KAZN: variants seen among roughly 807,000 people sequenced by gnomAD.
The protein encoded by KAZN is kazrin.
Under a neutral mutation model 87.4 loss-of-function variants are expected in KAZN, and 40 were observed. That is an observed-to-expected ratio of 0.46 (90% CI 0.36 to 0.60). The LOEUF (loss-of-function observed/expected upper bound fraction) is 0.60, where lower values mean the gene tolerates loss of function less well. KAZN is among the 20% of genes least tolerant of loss of function. The pLI is 0.00. For synonymous variants in KAZN, 466 were observed against 458.3 expected, an observed-to-expected ratio of 1.02 and a Z score of -0.22; for missense variants, 898 against 1,073.9, an observed-to-expected ratio of 0.84 and a Z score of 2.29.
chr1:14,446,768 A>G (rs775953367), intron 2 of KAZN, among the ~76,000 whole-genome samples: 3 of 152,038 alleles, frequency 2.0e-5, no homozygotes, highest in Non-Finnish European at 2.9e-5. Flanking sequence ...CACCATCACA[A>G]TTGCTGGTGC....
chr1:15,063,464 TGA>T, intron 6 of KAZN, 106 bp from the exon 7 acceptor site: 1 of 942,772 alleles, frequency 1.1e-6, no homozygotes. Context: ...GGGTGGCCCC[TGA>T]GAGATGGCAT....
intron 2 of KAZN, among the ~76,000 whole-genome samples, chr1:14,475,492 T>C (rs771254603): frequency 1.3e-5 from 2 of 152,254 alleles, no homozygotes; most frequent in Non-Finnish European, 2.9e-5. Flanking sequence ...TCAAGTTGTC[T>C]TTTCGTCAGT....
chr1:13,913,187 T>C (rs1639716414), intron 1 of KAZN, among the ~76,000 whole-genome samples: 1 of 152,154 alleles, frequency 6.6e-6, no homozygotes, highest in Admixed American at 6.5e-5. Flanking sequence ...GACAGAAGCC[T>C]AGCCCTTGCC....
chr1:15,052,812 C>T (rs752170190), intron 4 of KAZN, among the ~76,000 whole-genome samples: 2 of 152,116 alleles, frequency 1.3e-5, no homozygotes, highest in East Asian at 1.9e-4. Context: ...AAGGACCAAC[C>T]GTAGGGGACC....
intron 2 of KAZN, among the ~76,000 whole-genome samples, chr1:15,020,848 G>A (rs12028628): frequency 2.0e-5 from 3 of 152,056 alleles, no homozygotes; most frequent in Non-Finnish European, 4.4e-5. Context: ...CTTGCCCCAG[G>A]TCCCCCCACA....
intron 1 of KAZN, among the ~76,000 whole-genome samples, chr1:14,030,969 G>A (rs1557793689): frequency 6.6e-6 from 1 of 152,176 alleles, no homozygotes. Context: ...TTAAGGTCAT[G>A]AATTTCTTTA....
intron 2 of KAZN, among the ~76,000 whole-genome samples, chr1:15,020,158 C>T (rs1670523411): frequency 6.6e-6 from 1 of 152,146 alleles, no homozygotes; most frequent in Admixed American, 6.5e-5. Flanking sequence ...TCATGGGGAC[C>T]CACAGCCCTC....
At chr1:15,023,909 G>T (rs553323345) in intron 2 of KAZN, among the ~76,000 whole-genome samples, 1 of 150,778 alleles carries the variant, frequency 6.6e-6, no homozygotes, top group Non-Finnish European at 1.5e-5. Flanking sequence ...GAAAAGTTTG[G>T]GGGGGTGGTC....
chr1:14,630,685 A>G (rs1679498589), intron 1 of KAZN, among the ~76,000 whole-genome samples: 1 of 152,116 alleles, frequency 6.6e-6, no homozygotes, highest in Non-Finnish European at 1.5e-5. Context: ...TATTCTCTCT[A>G]ATGATTCCCC....
intron 1 of KAZN, among the ~76,000 whole-genome samples, chr1:14,750,335 C>T (rs1407336697): frequency 5.3e-5 from 8 of 152,186 alleles, no homozygotes; most frequent in Non-Finnish European, 8.8e-5. Flanking sequence ...GCAGCCACGG[C>T]TCCTGAATTT....
chr1:14,263,509 CA>C (rs2100658230), intron 2 of KAZN, among the ~76,000 whole-genome samples: 1 of 152,258 alleles, frequency 6.6e-6, no homozygotes, highest in Non-Finnish European at 1.5e-5. Flanking sequence ...ATGACTCTGG[CA>C]ACCCTGAGCT....
chr1:14,149,096 T>C (rs2359950), intron 1 of KAZN, among the ~76,000 whole-genome samples: 25,595 of 92,210 alleles, frequency 0.28, 4,152 homozygotes, highest in Non-Finnish European at 0.32. Flanking sequence ...CCTTCCTTTC[T>C]TTCTTTCCTT....
At chr1:14,965,825 G>A (rs1451417698) in intron 2 of KAZN, among the ~76,000 whole-genome samples, 1 of 152,026 alleles carries the variant, frequency 6.6e-6, no homozygotes, top group African/African-American at 2.4e-5. Flanking sequence ...ACCCCAAAGG[G>A]CTTTTGCTCA....
chr1:14,560,433 G>A (rs1358910111), intron 2 of KAZN, among the ~76,000 whole-genome samples: 1 of 152,108 alleles, frequency 6.6e-6, no homozygotes, highest in Non-Finnish European at 1.5e-5. Context: ...ACAAAAATTA[G>A]CCAGGCGTGG....
At chr1:14,906,293 T>C (rs72871809) in intron 1 of KAZN, among the ~76,000 whole-genome samples, 1,746 of 152,246 alleles carry the variant, frequency 0.011, 35 homozygotes, top group African/African-American at 0.04. Flanking sequence ...ACAGTCCACA[T>C]GGTTGCCCTC....
At chr1:13,987,999 ACT>A (rs1639099106) in intron 1 of KAZN, among the ~76,000 whole-genome samples, 1 of 152,046 alleles carries the variant, frequency 6.6e-6, no homozygotes, top group African/African-American at 2.4e-5. Flanking sequence ...AAAACAGAAA[ACT>A]CACAATTTCA....
chr1:14,778,393 G>GAA (rs34655175), intron 1 of KAZN, among the ~76,000 whole-genome samples: 2 of 136,404 alleles, frequency 1.5e-5, no homozygotes. Flanking sequence ...TAACCCTTAA[G>GAA]AAAAAAAAAA....
intron 1 of KAZN, among the ~76,000 whole-genome samples, chr1:14,830,544 T>C (rs990334427): frequency 1.3e-5 from 2 of 152,096 alleles, no homozygotes; most frequent in African/African-American, 4.8e-5. Flanking sequence ...GAGGTTTAAT[T>C]GACCCACAGT....
chr1:14,502,188 G>A (rs952165097), intron 2 of KAZN, among the ~76,000 whole-genome samples: 1 of 151,972 alleles, frequency 6.6e-6, no homozygotes, highest in Non-Finnish European at 1.5e-5. Flanking sequence ...TGCCCCTCGT[G>A]GGTCTGTTCC....
Sources: allele counts gnomAD v4.1 joint callset (sites outside exome capture counted in the v4.1 genomes callset), GRCh38; gene constraint gnomAD v4.1.1; transcripts MANE v1.5; gene names NCBI Gene and HGNC (gene_info 2026-07-23, HGNC 2026-07-21).